CNTNAP5: variants seen among roughly 807,000 people sequenced by gnomAD.
The protein encoded by CNTNAP5 is contactin-associated protein-like 5.
CNTNAP5 carries 72 observed loss-of-function variants against 150.2 expected under a neutral mutation model. The ratio of observed to expected loss-of-function variants is 0.48; its 90% CI spans 0.40 to 0.58. CNTNAP5 has a LOEUF of 0.58. Among genes scored for constraint, CNTNAP5 ranks in the 20% least tolerant of loss-of-function variants. CNTNAP5 has a pLI of 0.00. For synonymous variants in CNTNAP5, 672 were observed against 619.8 expected, an observed-to-expected ratio of 1.08 and a Z score of -1.25; for missense variants, 1,636 against 1,626.2, an observed-to-expected ratio of 1.01 and a Z score of -0.10.
intron 12 of CNTNAP5, among the ~76,000 whole-genome samples, chr2:124,621,794 T>C (rs905916174): frequency 6.6e-6 from 1 of 152,098 alleles, no homozygotes; most frequent in African/African-American, 2.4e-5. Context: ...TATGAAACAT[T>C]TATTTCTCCC....
At chr2:124,139,410 C>T (rs1684051961) in intron 1 of CNTNAP5, among the ~76,000 whole-genome samples, 1 of 152,088 alleles carries the variant, frequency 6.6e-6, no homozygotes. Flanking sequence ...TTCAATGACG[C>T]TCCCTAAAGC....
At chr2:124,033,689 T>TA (rs1681126235) in intron 1 of CNTNAP5, among the ~76,000 whole-genome samples, 2 of 150 alleles carry the variant, frequency 0.013, no homozygotes, top group South Asian at 0.1. Flanking sequence ...ATGGGCCTGG[T>TA]GCCACAGGGA....
At chr2:124,075,798 C>T (rs1682422809) in intron 1 of CNTNAP5, among the ~76,000 whole-genome samples, 1 of 152,134 alleles carries the variant, frequency 6.6e-6, no homozygotes, top group South Asian at 2.1e-4. Flanking sequence ...ACTGGTCATG[C>T]TGTGCATCTC....
rs1450099316 is a variant in CNTNAP5, at chr2:124,913,274, G to T, written c.3728-818G>T. ...TTTCATGCTGAAATACTACATTCAT[G>T]CAGAGACACATCTGCCGCTTCCATG... is the stretch of plus-strand genomic sequence containing the variant. On this transcript the variant is annotated intron_variant, in intron 23 of 23. Transcript: ENST00000682447. 2.0e-5 allele frequency among the ~76,000 whole-genome samples: 3 copies of T among 152,040 alleles called. No homozygotes were observed. In the East Asian group the frequency reaches 5.8e-4, roughly 29 times the overall value.
At chr2:124,177,452 T>G (rs751525730) in intron 1 of CNTNAP5, among the ~76,000 whole-genome samples, 1 of 152,100 alleles carries the variant, frequency 6.6e-6, no homozygotes, top group Non-Finnish European at 1.5e-5. Context: ...CAGAAGCTAT[T>G]AGGTAGAACA....
chr2:124,430,243 A>AT (rs544801546), intron 4 of CNTNAP5, among the ~76,000 whole-genome samples: 107 of 152,284 alleles, frequency 7.0e-4, no homozygotes, highest in African/African-American at 2.6e-3. Context: ...GGTGGGTCAG[A>AT]CAGGGTAGGT....
intron 8 of CNTNAP5, among the ~76,000 whole-genome samples, chr2:124,509,831 T>C (rs972555600): frequency 1.3e-5 from 2 of 151,814 alleles, no homozygotes; most frequent in Non-Finnish European, 2.9e-5. Flanking sequence ...AGTTTCATGG[T>C]GGTCTTATAC....
chr2:124,801,391 G>C (rs1286997161), intron 19 of CNTNAP5, among the ~76,000 whole-genome samples: 1 of 152,104 alleles, frequency 6.6e-6, no homozygotes. Context: ...GGGAGACTTT[G>C]ACTAAATTTT....
At chr2:124,027,007 C>T (rs1680911094) in intron 1 of CNTNAP5, among the ~76,000 whole-genome samples, 2 of 152,176 alleles carry the variant, frequency 1.3e-5, no homozygotes, top group African/African-American at 4.8e-5. Flanking sequence ...GGAGGGCCAG[C>T]ATCTATAGTT....
At chr2:124,740,864 A>G (rs759147196) in intron 13 of CNTNAP5, among the ~76,000 whole-genome samples, 1 of 152,122 alleles carries the variant, frequency 6.6e-6, no homozygotes, top group Non-Finnish European at 1.5e-5. Flanking sequence ...TCCCAGGGTC[A>G]TGTCAAGGAA....
chr2:124,765,918 T>C (rs1681058671), intron 16 of CNTNAP5, among the ~76,000 whole-genome samples: 1 of 151,762 alleles, frequency 6.6e-6, no homozygotes, highest in Non-Finnish European at 1.5e-5. Context: ...ATTGCACTAC[T>C]GCACCCCAGC....
chr2:124,417,901 G>A (rs1046766933), intron 4 of CNTNAP5, among the ~76,000 whole-genome samples: 1 of 152,186 alleles, frequency 6.6e-6, no homozygotes, highest in Non-Finnish European at 1.5e-5. Flanking sequence ...CCCCGGAAGT[G>A]GCATTAGGTA....
At chr2:124,217,926 C>T (rs1392796132) in intron 1 of CNTNAP5, among the ~76,000 whole-genome samples, 2 of 152,224 alleles carry the variant, frequency 1.3e-5, no homozygotes, top group Admixed American at 1.3e-4. Flanking sequence ...AATGTATTAG[C>T]TGGAATCATC....
chr2:124,357,614 T>A (rs1690053065), intron 3 of CNTNAP5, among the ~76,000 whole-genome samples: 1 of 146,396 alleles, frequency 6.8e-6, no homozygotes, highest in South Asian at 2.2e-4. Flanking sequence ...ATCAGATAGT[T>A]GTAGATATGC....
chr2:124,390,553 G>A (rs1691085104), intron 3 of CNTNAP5, among the ~76,000 whole-genome samples: 1 of 152,204 alleles, frequency 6.6e-6, no homozygotes, highest in African/African-American at 2.4e-5. Flanking sequence ...ACACAAAGCA[G>A]AGTGTAGTAG....
At chr2:124,374,037 A>G (rs1417964903) in intron 3 of CNTNAP5, among the ~76,000 whole-genome samples, 1 of 152,062 alleles carries the variant, frequency 6.6e-6, no homozygotes, top group Non-Finnish European at 1.5e-5. Context: ...GATAATATTT[A>G]TCTATGGTGG....
intron 12 of CNTNAP5, among the ~76,000 whole-genome samples, chr2:124,628,231 C>T (rs1446149901): frequency 6.6e-6 from 1 of 151,848 alleles, no homozygotes; most frequent in Non-Finnish European, 1.5e-5. Context: ...ATAAGATAAT[C>T]TATGAAAAGA....
chr2:124,417,578 G>A lies in CNTNAP5; in HGVS notation c.517G>A (p.Gly173Arg), dbSNP rs772789509. The change falls in exon 4 of 24, where the codon GGA becomes AGA. Residue 173 changes from glycine to arginine, a missense_variant. Gly to Arg is a moderately radical substitution (Grantham distance 125). Transcript: ENST00000682447. ...GATTGGCATGAGAGTCGAGGTCTAC[G>A]GATGTTCCTATAGTAAGTACTCACA... is the stretch of plus-strand genomic sequence containing the variant. ...GKIGMRVEVYGCSYKSDVADF... is the reference protein window; with the variant it reads ...GKIGMRVEVYRCSYKSDVADF... The A allele has an allele frequency of 5.6e-6, 9 of 1,613,038 alleles. No individual in the cohort carries two copies. Among genetic ancestry groups the A allele is most frequent in the African/African-American group, 1.3e-5 (1 of 74,914 alleles).
At chr2:124,587,430 CTGAT>C (rs1228066343) in intron 11 of CNTNAP5, among the ~76,000 whole-genome samples, 1 of 152,132 alleles carries the variant, frequency 6.6e-6, no homozygotes, top group Non-Finnish European at 1.5e-5. Context: ...TCTTTGATGT[CTGAT>C]TGTTTCCATA....
Sources: gnomAD v4.1 joint callset for allele counts (sites outside exome capture counted in the v4.1 genomes callset) on GRCh38, gnomAD v4.1.1 for gene constraint, MANE v1.5 for transcripts, NCBI Gene and HGNC (gene_info 2026-07-23, HGNC 2026-07-21) for gene names.